Variants in REDIC1 observed in about 807,000 individuals in gnomAD.
REDIC1 encodes regulator of DNA class I crossover intermediates 1.
the REDIC1 span, among the ~76,000 whole-genome samples, chr12:39,826,252 G>A: frequency 6.6e-6 from 1 of 151,560 alleles, no homozygotes; most frequent in Non-Finnish European, 1.5e-5. Context: ...GTCTCTGCTT[G>A]TTTTTGTTTT....
chr12:39,641,439 A>G, the REDIC1 span, among the ~76,000 whole-genome samples: 1 of 151,784 alleles, frequency 6.6e-6, no homozygotes, highest in South Asian at 2.1e-4. Flanking sequence ...TTGGATATGT[A>G]CAAGATTTGT....
the REDIC1 span, chr12:39,757,152 C>T: frequency 6.6e-6 from 1 of 151,724 alleles, no homozygotes; most frequent in Non-Finnish European, 1.5e-5. Flanking sequence ...CCTCTTAAGT[C>T]TAGTGCAGAT....
chr12:39,679,824 C>G, the REDIC1 span, among the ~76,000 whole-genome samples: 2 of 152,058 alleles, frequency 1.3e-5, no homozygotes, highest in Non-Finnish European at 2.9e-5. Context: ...ATAGAGAACC[C>G]AGAAATAAAG....
At chr12:39,792,785 G>A in the REDIC1 span, among the ~76,000 whole-genome samples, 2 of 132,626 alleles carry the variant, frequency 1.5e-5, no homozygotes, top group Non-Finnish European at 3.2e-5. Context: ...CTGATATGGA[G>A]GGCTGGCTGT....
the REDIC1 span, among the ~76,000 whole-genome samples, chr12:39,727,931 C>A: frequency 1.3e-5 from 2 of 152,080 alleles, no homozygotes; most frequent in Non-Finnish European, 2.9e-5. Flanking sequence ...AATGAGAGTT[C>A]ACTCATGATT....
the REDIC1 span, among the ~76,000 whole-genome samples, chr12:39,790,127 C>CT: frequency 4.7e-4 from 69 of 145,670 alleles, no homozygotes; most frequent in African/African-American, 1.4e-3. Context: ...CTTTTGTGTT[C>CT]TTTTTTTTTT....
chr12:39,764,718 T>A, the REDIC1 span: 7 of 1,610,356 alleles, frequency 4.3e-6, no homozygotes, highest in Non-Finnish European at 4.2e-6. Context: ...TGCAACAGTA[T>A]AACAAAGTCT....
the REDIC1 span, chr12:39,755,652 C>T: frequency 2.0e-4 from 31 of 151,912 alleles, no homozygotes; most frequent in African/African-American, 7.5e-4. Flanking sequence ...CTGCATGATC[C>T]ACTTCTTTTT....
the REDIC1 span, among the ~76,000 whole-genome samples, chr12:39,748,436 TAGAA>T: frequency 1.3e-5 from 2 of 152,170 alleles, no homozygotes; most frequent in African/African-American, 4.8e-5. Context: ...CTTAGAGACC[TAGAA>T]AGAGACTTAG....
chr12:39,759,358 C>A, the REDIC1 span: 1 of 152,092 alleles, frequency 6.6e-6, no homozygotes, highest in Non-Finnish European at 1.5e-5. Context: ...GAAAACAACC[C>A]GACAGATTAT....
At chr12:39,871,500 TA>T in the REDIC1 span, among the ~76,000 whole-genome samples, 16,673 of 152,000 alleles carry the variant, frequency 0.11, 1,057 homozygotes, top group South Asian at 0.17. Flanking sequence ...AAAAAACAAT[TA>T]TTTTTTTTCA....
chr12:39,764,949 C>A, the REDIC1 span: 1 of 1,418,930 alleles, frequency 7.0e-7, no homozygotes, highest in Non-Finnish European at 9.6e-7. Flanking sequence ...TTTGGAAATT[C>A]CTTAATGTCT....
At chr12:39,731,878 A>T in the REDIC1 span, among the ~76,000 whole-genome samples, 3 of 151,704 alleles carry the variant, frequency 2.0e-5, no homozygotes, top group Non-Finnish European at 4.4e-5. Flanking sequence ...TAAAACACAA[A>T]TGTAGAAAAT....
the REDIC1 span, among the ~76,000 whole-genome samples, chr12:39,741,894 G>A: frequency 2.0e-5 from 3 of 152,220 alleles, no homozygotes; most frequent in Admixed American, 6.5e-5. Context: ...AAAATGACCT[G>A]TTTAGCTAGA....
At chr12:39,731,751 A>G in the REDIC1 span, among the ~76,000 whole-genome samples, 1 of 151,726 alleles carries the variant, frequency 6.6e-6, no homozygotes, top group Admixed American at 6.6e-5. Flanking sequence ...TTGTGCCTAT[A>G]GCCGCCCCTT....
chr12:39,786,391 C>CCCAGCCATGATTCTGAGGCCTCA, the REDIC1 span, among the ~76,000 whole-genome samples: 1 of 152,120 alleles, frequency 6.6e-6, no homozygotes, highest in African/African-American at 2.4e-5. Flanking sequence ...CTGAGGCCTC[C>CCCAGCCATGATTCTGAGGCCTCA]CCAGCCATGT....
the REDIC1 span, among the ~76,000 whole-genome samples, chr12:39,696,272 G>A: frequency 3.3e-5 from 5 of 151,882 alleles, no homozygotes; most frequent in African/African-American, 4.8e-5. Flanking sequence ...GGCCGGGCGC[G>A]GTGGCTCACG....
At chr12:39,878,115 T>G in the REDIC1 span, among the ~76,000 whole-genome samples, 2 of 152,216 alleles carry the variant, frequency 1.3e-5, no homozygotes, top group Admixed American at 6.5e-5. Flanking sequence ...CCACTCTTCC[T>G]CAAAAGCCTA....
At chr12:39,799,702 G>A in the REDIC1 span, among the ~76,000 whole-genome samples, 3 of 152,210 alleles carry the variant, frequency 2.0e-5, no homozygotes, top group South Asian at 4.1e-4. Context: ...ATGCAGGTCA[G>A]TGAAATGGAA....
Sources: gnomAD v4.1 joint callset for allele counts (sites outside exome capture counted in the v4.1 genomes callset) on GRCh38, gnomAD v4.1.1 for gene constraint, MANE v1.5 for transcripts, NCBI Gene and HGNC (gene_info 2026-07-23, HGNC 2026-07-21) for gene names.